Variants in NCAPG2 observed in about 807,000 individuals in gnomAD.
The protein encoded by NCAPG2 is non-SMC condensin II complex subunit G2, also known as condensin-2 complex subunit G2.
Under a neutral mutation model 141.1 loss-of-function variants are expected in NCAPG2, and 53 were observed. That is an observed-to-expected ratio of 0.38 (90% CI 0.30 to 0.47). The LOEUF (loss-of-function observed/expected upper bound fraction) is 0.47. NCAPG2 is among the 20% of genes least tolerant of loss of function. NCAPG2 has a pLI of 0.99. For synonymous variants in NCAPG2, 499 were observed against 490.7 expected, an observed-to-expected ratio of 1.02 and a Z score of -0.22; for missense variants, 1,087 against 1,389.0, an observed-to-expected ratio of 0.78 and a Z score of 3.46.
At chr7:158,692,725 G>T (rs924765664) in intron 4 of NCAPG2, 117 bp downstream of exon 4, 7 of 776,406 alleles carry the variant, frequency 9.0e-6, no homozygotes, top group Non-Finnish European at 1.5e-5. Context: ...TAGGCAACAA[G>T]AGCGAAACTC....
chr7:158,700,342 C>A (rs539052202), intron 2 of NCAPG2, among the ~76,000 whole-genome samples: 1 of 152,224 alleles, frequency 6.6e-6, no homozygotes, highest in Non-Finnish European at 1.5e-5. Flanking sequence ...TGGCACACAA[C>A]GGGTGGCTGG....
At chr7:158,636,958 T>C (rs997814861) in intron 27 of NCAPG2, among the ~76,000 whole-genome samples, 6 of 151,992 alleles carry the variant, frequency 3.9e-5, no homozygotes, top group Non-Finnish European at 4.4e-5. Context: ...TCTTCTTCTT[T>C]TTTTTTTGAG....
chr7:158,655,083 A>G (rs1029652908), intron 21 of NCAPG2, 35 bp downstream of exon 21: 6 of 1,559,808 alleles, frequency 3.8e-6, no homozygotes, highest in Non-Finnish European at 5.2e-6. Flanking sequence ...CAAACTTGGT[A>G]AAGAGAAAGT....
rs567419352 is a variant in NCAPG2, at chr7:158,701,712, C to T, written c.78+110G>A. On this transcript the variant is annotated intron_variant, in intron 2 of 27. Transcript: ENST00000356309. ...TTTCTTCTTTCAAATAAACATTGGT[C>T]GCTAAGGATTCACTGAGATAACTAT... 73 of 953,622 alleles carry T rather than the reference C, an allele frequency of 7.7e-5. No homozygotes were observed. In the African/African-American group the frequency reaches 1.0e-3, roughly 13 times the overall value. 59.1% of individuals were successfully genotyped at this position (953,622 alleles called of 1,614,324 possible). A position where few individuals can be genotyped will look rare whatever the true frequency, so the allele number is the denominator to read the frequency against.
chr7:158,680,619 C>A (rs117203914), intron 10 of NCAPG2, 102 bp downstream of exon 10: 61 of 676,698 alleles, frequency 9.0e-5, no homozygotes, highest in Non-Finnish European at 1.3e-4. Context: ...CAGTCTTCAG[C>A]CTTATCTTTA....
chr7:158,674,468 TTTGTAGAG>T (rs1417865234), intron 12 of NCAPG2, among the ~76,000 whole-genome samples: 1 of 152,082 alleles, frequency 6.6e-6, no homozygotes, highest in East Asian at 1.9e-4. Context: ...TTTTGTACTT[TTTGTAGAG>T]ACAGGGTTTC....
chr7:158,642,489 C>T (rs1830718519), intron 27 of NCAPG2, among the ~76,000 whole-genome samples: 1 of 151,822 alleles, frequency 6.6e-6, no homozygotes, highest in East Asian at 1.9e-4. Context: ...GATCGTGCCA[C>T]TACACTCCAG....
intron 21 of NCAPG2, chr7:158,654,914 T>C (rs1831786080): frequency 8.9e-7 from 1 of 1,118,124 alleles, no homozygotes; most frequent in Admixed American, 3.1e-5. Flanking sequence ...ATCGAACACC[T>C]CTTATATGTA....
intron 2 of NCAPG2, 65 bp downstream of exon 2, chr7:158,701,757 T>G: frequency 7.3e-7 from 1 of 1,376,102 alleles, no homozygotes; most frequent in South Asian, 1.2e-5. Flanking sequence ...GGGGACATAA[T>G]GACTTTAGAA....
At chr7:158,685,117 C>G (rs559048814) in intron 8 of NCAPG2, among the ~76,000 whole-genome samples, 1 of 152,230 alleles carries the variant, frequency 6.6e-6, no homozygotes, top group South Asian at 2.1e-4. Context: ...GATTGAGAAC[C>G]TGGTATAAGA....
chr7:158,649,091 G>A (rs1831287312), intron 24 of NCAPG2, among the ~76,000 whole-genome samples: 1 of 152,244 alleles, frequency 6.6e-6, no homozygotes, highest in African/African-American at 2.4e-5. Context: ...CAAGAAAGCT[G>A]GTTTGGCTGT....
In NCAPG2 at chr7:158,701,840, CA is replaced by C. The variant is rs1215705812; in HGVS notation, c.59del (p.Leu20CysfsTer16). On this transcript the variant is annotated frameshift_variant, in exon 2 of 28. Transcript: ENST00000356309. LOFTEE classifies it high-confidence loss of function. ...AVSKELVGEF[L>X]QFVQLDKEAS... The stretch of plus-strand genomic sequence containing the variant: ...AACTTACATCAAGTTGAACAAATTG[CA>C]AAAACTCTCCAACCAGCTCCTTAGA... 1 of 1,613,250 alleles carries C rather than the reference CA, an allele frequency of 6.2e-7. No homozygotes were observed. Among genetic ancestry groups the C allele is most frequent in the Admixed American group, 1.7e-5 (1 of 59,810 alleles).
chr7:158,662,473 C>T lies in NCAPG2; in HGVS notation c.1816-106G>A, dbSNP rs552980828. On this transcript the variant is annotated intron_variant, in intron 15 of 27. Transcript: ENST00000356309. Reference sequence around the variant, plus strand: ...CTAAAGCAAAAATGTAGAGAACATCCGTCTTACTTTCACGTCTTCTACTCT... The same window carrying T: ...CTAAAGCAAAAATGTAGAGAACATCTGTCTTACTTTCACGTCTTCTACTCT... 74 of 1,019,588 alleles carry T rather than the reference C, an allele frequency of 7.3e-5. No homozygotes were observed. The South Asian group carries it at 9.5e-4, about 13-fold the overall frequency. 63.2% of individuals were successfully genotyped at this position (1,019,588 alleles called of 1,614,324 possible).
intron 5 of NCAPG2, among the ~76,000 whole-genome samples, 195 bp downstream of exon 5, chr7:158,690,373 T>C (rs1424221449): frequency 6.6e-6 from 1 of 152,158 alleles, no homozygotes; most frequent in African/African-American, 2.4e-5. Flanking sequence ...AGGTTTAGAA[T>C]GTTAGGAAGA....
chr7:158,694,195 C>A (rs1835294551), intron 2 of NCAPG2, among the ~76,000 whole-genome samples: 1 of 152,126 alleles, frequency 6.6e-6, no homozygotes, highest in South Asian at 2.1e-4. Flanking sequence ...GCCTGGGCAA[C>A]ATAGCAAGAG....
chr7:158,660,108 A>G (rs1228878176), intron 16 of NCAPG2, among the ~76,000 whole-genome samples: 1 of 152,116 alleles, frequency 6.6e-6, no homozygotes, highest in Admixed American at 6.5e-5. Flanking sequence ...AAAAAAAAAA[A>G]AAAAGAAAAT....
intron 27 of NCAPG2, among the ~76,000 whole-genome samples, chr7:158,637,315 T>C (rs1273071665): frequency 6.6e-6 from 1 of 152,194 alleles, no homozygotes; most frequent in African/African-American, 2.4e-5. Flanking sequence ...CATAATTGAA[T>C]GCATTTCATT....
At chr7:158,644,222 C>T (rs1448163787) in intron 27 of NCAPG2, 67 bp downstream of exon 27, 2 of 1,323,828 alleles carry the variant, frequency 1.5e-6, no homozygotes, top group African/African-American at 2.9e-5. Context: ...AAAATACAAC[C>T]TCATGCAGAT....
chr7:158,683,224 A>C, intron 9 of NCAPG2, 76 bp downstream of exon 9: 1 of 1,257,086 alleles, frequency 8.0e-7, no homozygotes, highest in Non-Finnish European at 1.1e-6. Flanking sequence ...CTTAATTTTA[A>C]AATTTAACCA....
Sources: allele counts gnomAD v4.1 joint callset (sites outside exome capture counted in the v4.1 genomes callset), GRCh38; gene constraint gnomAD v4.1.1; transcripts MANE v1.5; gene names NCBI Gene and HGNC (gene_info 2026-07-23, HGNC 2026-07-21).